The following MED26 variants were observed in gnomAD, a reference collection of about 807,000 sequenced individuals.
MED26 encodes mediator complex subunit 26, also known as mediator of RNA polymerase II transcription subunit 26.
Under a neutral mutation model 43.7 loss-of-function variants are expected in MED26, and 7 were observed. The ratio of observed to expected loss-of-function variants is 0.16; its 90% CI spans 0.09 to 0.30. The LOEUF is 0.30. Ranked by LOEUF, MED26 falls within the 10% of genes least tolerant of loss-of-function variation. MED26 has a pLI of 1.00. For synonymous variants in MED26, 375 were observed against 371.1 expected, an observed-to-expected ratio of 1.01 and a Z score of -0.12; for missense variants, 784 against 840.6, an observed-to-expected ratio of 0.93 and a Z score of 0.83.
chr19:16,594,821 C>T (rs1023364435), intron 1 of MED26, among the ~76,000 whole-genome samples: 3 of 152,192 alleles, frequency 2.0e-5, no homozygotes, highest in Admixed American at 2.0e-4. Context: ...AGGGCAGGAA[C>T]GCATGTTTTT....
chr19:16,596,395 G>A (rs2086120111), intron 1 of MED26, among the ~76,000 whole-genome samples: 1 of 152,210 alleles, frequency 6.6e-6, no homozygotes, highest in Non-Finnish European at 1.5e-5. Flanking sequence ...CAAGAGAGAG[G>A]ATCTGGCACA....
chr19:16,613,495 G>A (rs1233389798), intron 1 of MED26, among the ~76,000 whole-genome samples: 1 of 152,154 alleles, frequency 6.6e-6, no homozygotes, highest in African/African-American at 2.4e-5. Context: ...GAAAAAGACA[G>A]CAGAGTCCCC....
chr19:16,627,827 C>G (rs1253739464), intron 1 of MED26, 45 bp downstream of exon 1: 1 of 1,417,844 alleles, frequency 7.1e-7, no homozygotes, highest in South Asian at 1.4e-5. Flanking sequence ...GGGAGGGTCC[C>G]GGGCCCATGC....
At chr19:16,603,892 T>C (rs932213813) in intron 1 of MED26, among the ~76,000 whole-genome samples, 3 of 152,112 alleles carry the variant, frequency 2.0e-5, no homozygotes. Context: ...GAGGTACCCA[T>C]GGAAAGGTGC....
chr19:16,617,367 C>G (rs1480026772), intron 1 of MED26, among the ~76,000 whole-genome samples: 2 of 152,178 alleles, frequency 1.3e-5, no homozygotes, highest in Non-Finnish European at 1.5e-5. Flanking sequence ...AAACACCTCC[C>G]TGACTTACTG....
In MED26 at chr19:16,576,130, T is replaced by A. The variant is rs770158157; in HGVS notation, c.1700A>T (p.Gln567Leu). Residue 567 changes from glutamine to leucine, a missense_variant, in exon 3 of 3, where the codon CAG becomes CTG. Physicochemically the swap from Gln to Leu is moderately radical, Grantham distance 113. This residue lies in a region of MED26 where 719 missense variants were observed against 730.9 expected (regional missense o/e 0.98). Coordinates refer to ENST00000263390, the MANE Select transcript of MED26 (RefSeq NM_004831.5). The surrounding 1 kb of genome is among the most constrained non-coding windows in gnomAD (Gnocchi z 6.8). ...ASQWPGVNGC[Q>L]DTQGNWYDWT... ...GTCATACCAGTTACCCTGTGTGTCC[T>A]GACACCCGTTCACCCCCGGCCACTG... 6.2e-7 allele frequency: 1 copy of A among 1,613,892 alleles called. No individual in the cohort carries two copies. The highest frequency in any genetic ancestry group is 1.3e-5 in the African/African-American group (1 of 74,932).
chr19:16,577,234 C>G lies in MED26; in HGVS notation c.596G>C (p.Ser199Thr). The G allele has an allele frequency of 6.2e-7, 1 of 1,613,174 alleles. No homozygotes were observed. Among genetic ancestry groups the G allele is most frequent in the Non-Finnish European group, 8.5e-7 (1 of 1,179,888 alleles). ...PESFASSLDGSGHAGPEGSRL... is the reference protein window; with the variant it reads ...PESFASSLDGTGHAGPEGSRL... ...GCTGCCCTCTGGGCCTGCATGCCCA[C>G]TGCCATCCAGGGAGCTGGCGAAGCT... The change falls in exon 3 of 3, where the codon AGT becomes ACT. Residue 199 changes from serine to threonine, a missense_variant. Ser to Thr is a moderately conservative substitution (Grantham distance 58). Transcript: ENST00000263390. The surrounding 1 kb of genome is among the most constrained non-coding windows in gnomAD (Gnocchi z 8.1).
rs559477027 is a variant in MED26 at position 16,596,248 on chromosome 19, T to A, written c.73-17839A>T. Among the ~76,000 whole-genome samples the A allele has an allele frequency of 7.2e-5, 11 of 152,222 alleles. No homozygotes were observed. In the East Asian group the frequency reaches 1.9e-3, roughly 27 times the overall value. On this transcript the variant is annotated intron_variant, in intron 1 of 2. Coordinates refer to ENST00000263390, the MANE Select transcript of MED26 (RefSeq NM_004831.5). ...ATCACAAAAGGGAGGGAGAAAGCAG[T>A]TAAATCTGCTGTGCCCTGCCAAGGG...
chr19:16,609,337 AGAG>A (rs1474306441), intron 1 of MED26, among the ~76,000 whole-genome samples: 5 of 135,414 alleles, frequency 3.7e-5, no homozygotes, highest in African/African-American at 7.8e-5. Context: ...AAAAAAAAAA[AGAG>A]AGAGAATAAG....
intron 1 of MED26, among the ~76,000 whole-genome samples, chr19:16,622,828 C>T (rs995487607): frequency 2.6e-5 from 4 of 152,184 alleles, no homozygotes; most frequent in African/African-American, 7.2e-5. Flanking sequence ...GGACCCCTCC[C>T]GCTGGACTGG....
Position 16,578,394 on chromosome 19 carries a change from C to T in MED26, c.88G>A (p.Ala30Thr). 1 of 1,614,072 alleles carries T rather than the reference C, an allele frequency of 6.2e-7. No individual in the cohort carries two copies. Among genetic ancestry groups the T allele is most frequent in the Non-Finnish European group, 8.5e-7 (1 of 1,179,982 alleles). Residue 30 changes from alanine (A) to threonine (T), a missense_variant, in exon 2 of 3, where the codon GCG becomes ACG. Physicochemically the swap from Ala to Thr is moderately conservative, Grantham distance 58 (BLOSUM62 0). Coordinates refer to ENST00000263390, the MANE Select transcript of MED26 (RefSeq NM_004831.5). The stretch of plus-strand genomic sequence containing the variant: ...AGGCTGGAGATGACTTCCAGCACCG[C>T]CACCATGTTCCGGATCTGTGGAAAT... ...DPQSNIRNMV[A>T]VLEVISSLEK... is the part of the protein sequence containing the mutation.
intron 1 of MED26, among the ~76,000 whole-genome samples, chr19:16,582,044 T>C (rs2086048420): frequency 6.6e-6 from 1 of 152,278 alleles, no homozygotes; most frequent in South Asian, 2.1e-4. Flanking sequence ...CGCAGCTCGC[T>C]GCTTCCTGGA....
At position 16,577,913 on chromosome 19, in the gene MED26, G is replaced by A; in HGVS notation, c.148-231C>T. 2.0e-6 allele frequency: 1 copy of A among 491,424 alleles called. No individual in the cohort carries two copies. The allele number at this position is 491,424 out of a possible 1,614,324, so 30.4% of individuals were successfully genotyped here. On this transcript the variant is annotated intron_variant, in intron 2 of 2. Coordinates refer to ENST00000263390, the MANE Select transcript of MED26 (RefSeq NM_004831.5). This position sits in a 1 kb window ranked among gnomAD's most constrained non-coding sequence, Gnocchi z 8.1. The stretch of plus-strand genomic sequence containing the variant: ...GGGTCCCAGGTGGCTTCTCAGCAGT[G>A]CTGTCACCCAGGCTCCTGGTGTCAG...
Position 16,575,776 on chromosome 19 carries a change from T to C in MED26, c.*251A>G. ...GTTTGCTATAGAGTTCTGAACTCAC[T>C]TTGCCGTCCTTCCTTCCACGCGGTC... On this transcript the variant is annotated 3_prime_UTR_variant, in exon 3 of 3. Coordinates refer to ENST00000263390, the MANE Select transcript of MED26 (RefSeq NM_004831.5). The C allele has an allele frequency of 1.9e-6, 1 of 529,806 alleles. No homozygotes were observed. The highest frequency in any genetic ancestry group is 3.4e-6 in the Non-Finnish European group (1 of 293,192). 32.8% of individuals were successfully genotyped at this position (529,806 alleles called of 1,614,324 possible).
At chr19:16,600,955 G>A (rs1294019532) in intron 1 of MED26, among the ~76,000 whole-genome samples, 2 of 152,074 alleles carry the variant, frequency 1.3e-5, no homozygotes, top group African/African-American at 4.8e-5. Flanking sequence ...TTAGCCAGGT[G>A]TGGTGGCGCA....
rs1304834591 is a variant in MED26, at chr19:16,577,999, G to A, written c.148-317C>T. ...TGCCAGAGAGGCTTCCTGGGTGAGA[G>A]GGTGCTGTGGCCGAGGCGACAGCAC... is the stretch of plus-strand genomic sequence containing the variant. On this transcript the variant is annotated intron_variant, in intron 2 of 2. Transcript: ENST00000263390. The surrounding 1 kb of genome is among the most constrained non-coding windows in gnomAD (Gnocchi z 8.1). 1 of 478,440 alleles carries A rather than the reference G, an allele frequency of 2.1e-6. No individual in the cohort carries two copies. Among genetic ancestry groups the A allele is most frequent in the Non-Finnish European group, 3.7e-6 (1 of 270,824 alleles). 29.6% of individuals were successfully genotyped at this position (478,440 alleles called of 1,614,324 possible).
Position 16,577,166 on chromosome 19 carries a change from G to T in MED26, c.664C>A (p.Pro222Thr). The T allele has an allele frequency of 6.2e-7, 1 of 1,613,352 alleles. No individual in the cohort carries two copies. The highest frequency in any genetic ancestry group is 1.1e-5 in the South Asian group (1 of 91,088). The change falls in exon 3 of 3, where the codon CCC becomes ACC. Residue 222 changes from proline to threonine, a missense_variant. Physicochemically the swap from Pro to Thr is conservative, Grantham distance 38. Around this residue, in one of 3 missense-constraint regions of MED26, gnomAD observed 719 missense variants for 730.9 expected, o/e 0.98. Transcript: ENST00000263390. This position sits in a 1 kb window ranked among gnomAD's most constrained non-coding sequence, Gnocchi z 8.1. ...DENDKHSGKI[P>T]VNAVRPHTSS... is the part of the protein sequence containing the mutation. ...GTGTGCGGTCGCACGGCGTTGACGG[G>T]GATCTTGCCACTGTGCTTGTCATTC...
chr19:16,604,166 G>A (rs879303826), intron 1 of MED26, among the ~76,000 whole-genome samples: 1 of 152,248 alleles, frequency 6.6e-6, no homozygotes, highest in African/African-American at 2.4e-5. Context: ...GTGTAACCAA[G>A]CACAGAAAGC....
intron 1 of MED26, among the ~76,000 whole-genome samples, chr19:16,592,716 T>A (rs893662871): frequency 2.0e-5 from 3 of 152,160 alleles, no homozygotes; most frequent in African/African-American, 7.2e-5. Flanking sequence ...TCAAAGCCGG[T>A]GTTTCTAAGA....
Sources: gnomAD v4.1 joint callset for allele counts (sites outside exome capture counted in the v4.1 genomes callset) on GRCh38, gnomAD v4.1.1 for gene constraint, gnomAD v4.1.1 regional missense constraint, Gnocchi (gnomAD v3.1) non-coding constraint, MANE v1.5 for transcripts, NCBI Gene and HGNC (gene_info 2026-07-23, HGNC 2026-07-21) for gene names.